NRXN3: variants seen among roughly 807,000 people sequenced by gnomAD.
NRXN3 encodes the protein neurexin 3.
NRXN3 carries 32 observed loss-of-function variants against 137.6 expected under a neutral mutation model. The observed-to-expected ratio is 0.23, with a 90% CI of 0.18 to 0.31. NRXN3 has a LOEUF of 0.31. Among genes scored for constraint, NRXN3 ranks in the 10% least tolerant of loss-of-function variants. The probability of loss-of-function intolerance (pLI) is 1.00; values close to 1 mark genes in which losing one functional copy is unlikely to be tolerated. For missense variants in NRXN3, 1,574 were observed against 2,062.5 expected, an observed-to-expected ratio of 0.76 and a Z score of 4.59; for synonymous variants, 798 against 784.5, an observed-to-expected ratio of 1.02 and a Z score of -0.29.
chr14:79,765,836 A>G (rs1313853269), intron 19 of NRXN3, among the ~76,000 whole-genome samples: 1 of 152,198 alleles, frequency 6.6e-6, no homozygotes, highest in Non-Finnish European at 1.5e-5. Flanking sequence ...GGAATCTTCC[A>G]CTACTTTTTA....
intron 4 of NRXN3, among the ~76,000 whole-genome samples, chr14:78,585,328 G>A (rs1489796393): frequency 1.3e-5 from 2 of 152,170 alleles, no homozygotes; most frequent in African/African-American, 4.8e-5. Flanking sequence ...GAAGGGGCCT[G>A]TGTGGCTAGT....
chr14:78,209,309 G>T (rs529884515), intron 1 of NRXN3, among the ~76,000 whole-genome samples: 73 of 152,264 alleles, frequency 4.8e-4, no homozygotes, highest in Middle Eastern at 3.4e-3. Context: ...GCAGCCAGGG[G>T]TGGAGGATTG....
chr14:78,878,800 G>T (rs1465147947), intron 10 of NRXN3, among the ~76,000 whole-genome samples: 1 of 151,922 alleles, frequency 6.6e-6, no homozygotes, highest in Non-Finnish European at 1.5e-5. Flanking sequence ...TGAACTTATT[G>T]TTCCATCTAA....
intron 8 of NRXN3, among the ~76,000 whole-genome samples, chr14:78,759,411 C>T (rs2152971136): frequency 6.6e-6 from 1 of 152,302 alleles, no homozygotes; most frequent in Non-Finnish European, 1.5e-5. Context: ...CAAATGAGGA[C>T]ACTGGGGCTT....
intron 19 of NRXN3, among the ~76,000 whole-genome samples, chr14:79,700,176 G>T: frequency 6.6e-6 from 1 of 151,968 alleles, no homozygotes; most frequent in East Asian, 1.9e-4. Flanking sequence ...TCTATTCAAA[G>T]TTTAGGACAA....
At chr14:78,652,042 G>C (rs1389629441) in intron 6 of NRXN3, among the ~76,000 whole-genome samples, 1 of 152,224 alleles carries the variant, frequency 6.6e-6, no homozygotes, top group African/African-American at 2.4e-5. Flanking sequence ...TGAGTGCAAA[G>C]TTTGATTTTG....
chr14:79,303,317 A>C (rs1183450201), intron 15 of NRXN3, among the ~76,000 whole-genome samples: 2 of 152,094 alleles, frequency 1.3e-5, no homozygotes, highest in African/African-American at 4.8e-5. Flanking sequence ...AGAAACTAAA[A>C]ATCATGAAGC....
At chr14:78,498,501 C>T (rs2095826605) in intron 4 of NRXN3, among the ~76,000 whole-genome samples, 1 of 152,128 alleles carries the variant, frequency 6.6e-6, no homozygotes, top group African/African-American at 2.4e-5. Context: ...CTTGGGCAGA[C>T]AGGGCTAGTC....
At chr14:78,931,560 T>C (rs1482735547) in intron 10 of NRXN3, among the ~76,000 whole-genome samples, 1 of 152,144 alleles carries the variant, frequency 6.6e-6, no homozygotes, top group African/African-American at 2.4e-5. Context: ...TGGGTATTAA[T>C]AGTCCCATTT....
At chr14:78,835,136 C>T (rs771696875) in intron 10 of NRXN3, among the ~76,000 whole-genome samples, 9 of 152,080 alleles carry the variant, frequency 5.9e-5, no homozygotes, top group Non-Finnish European at 1.3e-4. Flanking sequence ...CAGTCTTGGG[C>T]GTCTTAGGTT....
At chr14:78,717,029 T>C (rs769210214) in intron 8 of NRXN3, among the ~76,000 whole-genome samples, 1 of 152,160 alleles carries the variant, frequency 6.6e-6, no homozygotes, top group Non-Finnish European at 1.5e-5. Context: ...AAAGGTCATT[T>C]TTGTCTCTGA....
intron 6 of NRXN3, among the ~76,000 whole-genome samples, chr14:78,683,717 T>C (rs1252977133): frequency 2.0e-5 from 3 of 152,188 alleles, no homozygotes; most frequent in Admixed American, 6.6e-5. Flanking sequence ...ACCAAGTTGT[T>C]GAGAATTTTG....
intron 15 of NRXN3, among the ~76,000 whole-genome samples, chr14:79,272,233 T>C (rs77833409): frequency 2.7e-5 from 4 of 150,280 alleles, no homozygotes; most frequent in Non-Finnish European, 5.9e-5. Context: ...TTTTTTTTTT[T>C]CCTGTTAGTT....
intron 8 of NRXN3, among the ~76,000 whole-genome samples, chr14:78,740,832 CT>C (rs56756390): frequency 6.8e-6 from 1 of 148,128 alleles, no homozygotes; most frequent in Non-Finnish European, 1.5e-5. Context: ...CTGGTTATGA[CT>C]TTTTTTTCTT....
At chr14:79,856,970 G>A (rs17764962) in intron 20 of NRXN3, among the ~76,000 whole-genome samples, 26,253 of 152,004 alleles carry the variant, frequency 0.17, 2,816 homozygotes, top group Non-Finnish European at 0.23. Context: ...AAAATTCTGG[G>A]GATAGCATAG....
At chr14:79,799,874 C>G (rs868641861) in intron 19 of NRXN3, among the ~76,000 whole-genome samples, 23 of 152,290 alleles carry the variant, frequency 1.5e-4, no homozygotes, top group Middle Eastern at 3.4e-3. Flanking sequence ...ATTCCCAGAG[C>G]AGAGGAACTG....
chr14:78,462,523 G>A (rs754077055), intron 4 of NRXN3, among the ~76,000 whole-genome samples: 8 of 152,130 alleles, frequency 5.3e-5, no homozygotes, highest in Non-Finnish European at 1.0e-4. Flanking sequence ...CCCTGTCTTA[G>A]ATTGCACGCC....
In NRXN3 at chr14:79,867,605, G is replaced by A. The variant is rs1475698672; in HGVS notation, c.*5641G>A. On this transcript the variant is annotated 3_prime_UTR_variant, in exon 21 of 21. Coordinates refer to ENST00000335750, the MANE Select transcript of NRXN3 (RefSeq NM_001330195.2). ...AGACACTACCTCCCAATACAGTCAT[G>A]TTTGGGGTTGGGACTTCAACATATG... 1 of 152,206 alleles carries A rather than the reference G, an allele frequency of 6.6e-6. No individual in the cohort carries two copies. The highest frequency in any genetic ancestry group is 1.9e-4 in the East Asian group (1 of 5,196). 9.4% of individuals were successfully genotyped at this position (152,206 alleles called of 1,614,324 possible). A position where few individuals can be genotyped will look rare whatever the true frequency, so the allele number is the denominator to read the frequency against.
At chr14:78,426,623 A>T (rs2093675882) in intron 4 of NRXN3, among the ~76,000 whole-genome samples, 1 of 152,096 alleles carries the variant, frequency 6.6e-6, no homozygotes, top group African/African-American at 2.4e-5. Context: ...GATAGGGCAA[A>T]CAGTGTGAGG....
Sources: allele counts gnomAD v4.1 joint callset (sites outside exome capture counted in the v4.1 genomes callset), GRCh38; gene constraint gnomAD v4.1.1; transcripts MANE v1.5; gene names NCBI Gene and HGNC (gene_info 2026-07-23, HGNC 2026-07-21).